The following TENM2 variants were observed in gnomAD, a reference collection of about 807,000 sequenced individuals.
TENM2 encodes teneurin transmembrane protein 2.
Under a neutral mutation model 245.2 loss-of-function variants are expected in TENM2, and 52 were observed. The ratio of observed to expected loss-of-function variants is 0.21; its 90% CI spans 0.17 to 0.27. TENM2 has a LOEUF of 0.27. Ranked by LOEUF, TENM2 falls within the 10% of genes least tolerant of loss-of-function variation. The probability of loss-of-function intolerance (pLI) is 1.00; values close to 1 mark genes in which losing one functional copy is unlikely to be tolerated. For missense variants in TENM2, 3,046 were observed against 3,666.8 expected (o/e 0.83, Z 4.37); for synonymous variants, 1,363 against 1,438.9 (o/e 0.95, Z 1.19).
intron 2 of TENM2, among the ~76,000 whole-genome samples, chr5:167,538,197 C>T (rs1167695932): frequency 6.6e-6 from 1 of 152,166 alleles, no homozygotes; most frequent in Non-Finnish European, 1.5e-5. Context: ...CACTGACTCT[C>T]ATAAATAAAT....
At chr5:167,610,387 T>C (rs1487570859) in intron 2 of TENM2, among the ~76,000 whole-genome samples, 6 of 152,068 alleles carry the variant, frequency 3.9e-5, no homozygotes, top group African/African-American at 1.4e-4. Context: ...GCCCTTCTCC[T>C]CTCTCCAGGG....
chr5:167,512,416 A>C (rs1770028269), intron 2 of TENM2, among the ~76,000 whole-genome samples: 1 of 152,094 alleles, frequency 6.6e-6, no homozygotes, highest in African/African-American at 2.4e-5. Context: ...TAACACCCTA[A>C]CACTGATGCT....
At chr5:167,123,275 G>A in the TENM2 span, among the ~76,000 whole-genome samples, 5 of 152,274 alleles carry the variant, frequency 3.3e-5, 1 homozygote, top group African/African-American at 9.6e-5. Context: ...AGCCAAGATC[G>A]TGCCACTGCA....
chr5:167,944,667 A>C (rs991845355), intron 3 of TENM2, among the ~76,000 whole-genome samples: 3 of 152,172 alleles, frequency 2.0e-5, no homozygotes, highest in Non-Finnish European at 4.4e-5. Flanking sequence ...GCCAGAGGCT[A>C]TGGGAGGGAG....
At chr5:167,271,153 C>T in the TENM2 span, among the ~76,000 whole-genome samples, 2 of 152,230 alleles carry the variant, frequency 1.3e-5, no homozygotes, top group East Asian at 1.9e-4. Flanking sequence ...TTTGAGGCTG[C>T]AGGCTCATGG....
chr5:168,181,967 G>A (rs1480659432), intron 13 of TENM2, among the ~76,000 whole-genome samples: 2 of 152,078 alleles, frequency 1.3e-5, no homozygotes, highest in Non-Finnish European at 2.9e-5. Flanking sequence ...GTGAGCCACC[G>A]CACCCAGCCC....
intron 2 of TENM2, among the ~76,000 whole-genome samples, chr5:167,592,939 A>G (rs1418239736): frequency 3.3e-5 from 5 of 152,194 alleles, no homozygotes; most frequent in Admixed American, 1.3e-4. Flanking sequence ...TGAGATGTAT[A>G]TCATACTTAT....
chr5:167,655,077 C>T (rs1052866881), intron 2 of TENM2, among the ~76,000 whole-genome samples: 4 of 152,108 alleles, frequency 2.6e-5, no homozygotes, highest in Admixed American at 6.5e-5. Context: ...TACAGACGAT[C>T]GATAGCCACA....
intron 2 of TENM2, among the ~76,000 whole-genome samples, chr5:167,545,238 C>T (rs1004857222): frequency 6.6e-6 from 1 of 152,154 alleles, no homozygotes; most frequent in African/African-American, 2.4e-5. Flanking sequence ...CTAAAGCTTA[C>T]ACGAGGTGAC....
intron 2 of TENM2, among the ~76,000 whole-genome samples, chr5:167,420,004 G>A (rs986984167): frequency 1.6e-4 from 24 of 152,146 alleles, no homozygotes; most frequent in African/African-American, 5.6e-4. Context: ...GTTGAACTTC[G>A]AAGTAAGTGT....
At chr5:167,327,902 C>T (rs1490963019) in intron 1 of TENM2, among the ~76,000 whole-genome samples, 3 of 152,086 alleles carry the variant, frequency 2.0e-5, no homozygotes, top group African/African-American at 4.8e-5. Flanking sequence ...ATTGACTCTG[C>T]GGGGATAAGA....
chr5:167,771,955 C>T (rs757879713), intron 2 of TENM2, among the ~76,000 whole-genome samples: 11 of 152,076 alleles, frequency 7.2e-5, no homozygotes, highest in East Asian at 3.9e-4. Context: ...GTTTGAAATG[C>T]GCTTTCTAAT....
intron 2 of TENM2, among the ~76,000 whole-genome samples, chr5:167,835,774 G>A (rs746832738): frequency 6.6e-6 from 1 of 151,972 alleles, no homozygotes; most frequent in African/African-American, 2.4e-5. Context: ...GAAGCAGCAA[G>A]ACAATGTTTT....
chr5:167,175,616 C>CA, the TENM2 span, among the ~76,000 whole-genome samples: 15 of 152,198 alleles, frequency 9.9e-5, no homozygotes, highest in Non-Finnish European at 1.5e-5. Context: ...TTTTATCACT[C>CA]ATTCTGTCAT....
intron 2 of TENM2, among the ~76,000 whole-genome samples, chr5:167,684,269 C>T (rs1756931382): frequency 2.0e-5 from 3 of 152,196 alleles, no homozygotes; most frequent in Admixed American, 2.0e-4. Flanking sequence ...CCACCTGGCT[C>T]TTGGTTCTTA....
the TENM2 span, among the ~76,000 whole-genome samples, chr5:167,043,044 G>A: frequency 6.6e-6 from 1 of 152,142 alleles, no homozygotes; most frequent in East Asian, 1.9e-4. Flanking sequence ...CTAATTTATT[G>A]ATCTCCAAAA....
In TENM2 at chr5:167,933,145, C is replaced by A. The variant is rs145010906; in HGVS notation, c.713-19443C>A. Among the ~76,000 whole-genome samples, 6 of 152,294 alleles carry A rather than the reference C, an allele frequency of 3.9e-5. No individual in the cohort carries two copies. In the East Asian group the frequency reaches 1.2e-3, roughly 29 times the overall value. Reference sequence around the variant, plus strand: ...ACAACTTTGACTTTCTGGGCGATAACCCCAAGTAAAGAAATTAGTTTCAAA... The same window carrying A: ...ACAACTTTGACTTTCTGGGCGATAAACCCAAGTAAAGAAATTAGTTTCAAA... On this transcript the variant is annotated intron_variant, in intron 3 of 28. Coordinates refer to ENST00000518659, the Ensembl canonical transcript of TENM2.
chr5:167,860,663 T>A (rs1771705334), intron 2 of TENM2, among the ~76,000 whole-genome samples: 1 of 41,476 alleles, frequency 2.4e-5, no homozygotes, highest in Non-Finnish European at 4.5e-5. Context: ...TAGAAAGAAG[T>A]AGACATGGGA....
rs1439651679 is a variant in TENM2, at chr5:168,260,186, C to T, written c.7433-97C>T. On this transcript the variant is annotated intron_variant, in intron 27 of 28. Coordinates refer to ENST00000518659, the Ensembl canonical transcript of TENM2. ...TCCTCCCTCCCCTTTGGGCCCTACA[C>T]CCAACCACCCATTTTATTTTGTTCT... 7.1e-6 allele frequency: 10 copies of T among 1,400,454 alleles called. No homozygotes were observed. In the East Asian group the frequency reaches 1.8e-4, roughly 26 times the overall value. The allele number at this position is 1,400,454 out of a possible 1,614,324, so 86.8% of individuals were successfully genotyped here. A position where few individuals can be genotyped will look rare whatever the true frequency, so the allele number is the denominator to read the frequency against.
Sources: gnomAD v4.1 joint callset for allele counts (sites outside exome capture counted in the v4.1 genomes callset) on GRCh38, gnomAD v4.1.1 for gene constraint, MANE v1.5 for transcripts, NCBI Gene and HGNC (gene_info 2026-07-23, HGNC 2026-07-21) for gene names.